The following TNNI3K variants were observed in gnomAD, a reference collection of about 807,000 sequenced individuals.
TNNI3K encodes TNNI3 interacting kinase.
Under a neutral mutation model 114.5 loss-of-function variants are expected in TNNI3K, and 140 were observed. The ratio of observed to expected loss-of-function variants is 1.22; its 90% confidence interval spans 1.07 to 1.41. The LOEUF (loss-of-function observed/expected upper bound fraction) is 1.41, where lower values mean the gene tolerates loss of function less well. Ranked by LOEUF, TNNI3K falls within the 40% of genes most tolerant of loss-of-function variation. The probability of loss-of-function intolerance (pLI) is 0.00; values close to 1 mark genes in which losing one functional copy is unlikely to be tolerated. For missense variants in TNNI3K, 1,125 were observed against 1,007.6 expected, an observed-to-expected ratio of 1.12 and a Z score of -1.58; for synonymous variants, 347 against 347.5, an observed-to-expected ratio of 1.00 and a Z score of 0.02.
At chr1:74,429,895 C>G (rs1665811977) in intron 17 of TNNI3K, among the ~76,000 whole-genome samples, 1 of 152,050 alleles carries the variant, frequency 6.6e-6, no homozygotes, top group Non-Finnish European at 1.5e-5. Context: ...TTATAGGAAG[C>G]CTGGGAAGCA....
At chr1:74,377,260 C>CTA (rs1411508998) in intron 17 of TNNI3K, 1 of 151,958 alleles carries the variant, frequency 6.6e-6, no homozygotes, top group Admixed American at 6.6e-5. Flanking sequence ...TAAAGTCAGT[C>CTA]TAATTATTCA....
intron 11 of TNNI3K, among the ~76,000 whole-genome samples, chr1:74,360,867 C>G (rs12750929): frequency 0.29 from 44,296 of 151,948 alleles, 7,402 homozygotes; most frequent in East Asian, 0.56. Context: ...CTTCTCTTAC[C>G]AAATTGTAAA....
intron 17 of TNNI3K, among the ~76,000 whole-genome samples, chr1:74,402,958 C>T (rs909250236): frequency 6.6e-6 from 1 of 152,150 alleles, no homozygotes; most frequent in African/African-American, 2.4e-5. Context: ...GGAATTTTAA[C>T]AACTCTGTAG....
chr1:74,510,535 A>G (rs1670135418), intron 23 of TNNI3K, among the ~76,000 whole-genome samples: 1 of 152,134 alleles, frequency 6.6e-6, no homozygotes, highest in Non-Finnish European at 1.5e-5. Context: ...GAAAAAAATT[A>G]TTGAGAGATT....
intron 20 of TNNI3K, among the ~76,000 whole-genome samples, chr1:74,444,763 TA>T (rs1666554417): frequency 6.6e-6 from 1 of 151,438 alleles, no homozygotes; most frequent in African/African-American, 2.4e-5. Flanking sequence ...GGCATCATGG[TA>T]CCCAACTTCA....
chr1:74,381,453 C>G (rs1014042295), intron 17 of TNNI3K, among the ~76,000 whole-genome samples: 1 of 152,128 alleles, frequency 6.6e-6, no homozygotes, highest in Admixed American at 6.5e-5. Flanking sequence ...CTTGCATGCC[C>G]TAGTTGCCCT....
intron 9 of TNNI3K, among the ~76,000 whole-genome samples, chr1:74,348,138 A>G (rs1661123490): frequency 1.3e-5 from 2 of 152,128 alleles, no homozygotes; most frequent in African/African-American, 2.4e-5. Context: ...TAGGTCTAAC[A>G]TGTAAGTCTT....
At chr1:74,353,644 CAAAA>C (rs35082255) in intron 10 of TNNI3K, among the ~76,000 whole-genome samples, 8 of 134,158 alleles carry the variant, frequency 6.0e-5, no homozygotes, top group Non-Finnish European at 7.9e-5. Flanking sequence ...ATTTGGTGAT[CAAAA>C]AAAAAAAAAA....
intron 23 of TNNI3K, among the ~76,000 whole-genome samples, chr1:74,501,474 G>GTT (rs75296086): frequency 6.7e-6 from 1 of 149,820 alleles, no homozygotes; most frequent in Admixed American, 6.7e-5. Context: ...TTTTTGTTTT[G>GTT]TGTTTGTTTG....
At chr1:74,250,860 C>CG in intron 4 of TNNI3K, 91 bp downstream of exon 4, 1 of 1,219,260 alleles carries the variant, frequency 8.2e-7, no homozygotes, top group Non-Finnish European at 1.1e-6. Flanking sequence ...AATTAGTAAT[C>CG]ATGGAAAATT....
chr1:74,368,183 A>G (rs962007319), intron 13 of TNNI3K, among the ~76,000 whole-genome samples: 1 of 151,904 alleles, frequency 6.6e-6, no homozygotes, highest in Non-Finnish European at 1.5e-5. Flanking sequence ...TAACTATTAA[A>G]GAAAAATCAA....
intron 17 of TNNI3K, among the ~76,000 whole-genome samples, chr1:74,375,999 T>C (rs1662886168): frequency 1.3e-5 from 2 of 151,954 alleles, no homozygotes; most frequent in Admixed American, 1.3e-4. Flanking sequence ...TCACCGTTTT[T>C]GACTGTCAGC....
intron 23 of TNNI3K, among the ~76,000 whole-genome samples, chr1:74,511,626 A>T (rs1022397359): frequency 3.3e-5 from 5 of 152,090 alleles, no homozygotes; most frequent in African/African-American, 9.7e-5. Flanking sequence ...TGGACACCCA[A>T]TGATGGATTA....
intron 21 of TNNI3K, among the ~76,000 whole-genome samples, chr1:74,486,189 C>T (rs1668749977): frequency 1.0e-5 from 1 of 96,534 alleles, no homozygotes; most frequent in Non-Finnish European, 2.4e-5. Context: ...TACCCTCAGG[C>T]TAAATGCTAT....
At chr1:74,292,253 T>A (rs1050790548) in intron 5 of TNNI3K, among the ~76,000 whole-genome samples, 3 of 151,526 alleles carry the variant, frequency 2.0e-5, no homozygotes, top group Non-Finnish European at 4.4e-5. Flanking sequence ...TCTGCTTTTA[T>A]CTTTCTTAAC....
At chr1:74,453,661 C>T (rs1570641769) in intron 20 of TNNI3K, among the ~76,000 whole-genome samples, 1 of 152,268 alleles carries the variant, frequency 6.6e-6, no homozygotes, top group East Asian at 1.9e-4. Context: ...TCTTTTGCAT[C>T]TCACATGTTC....
chr1:74,265,354 A>G (rs518574), intron 4 of TNNI3K, among the ~76,000 whole-genome samples: 7,031 of 152,048 alleles, frequency 0.046, 224 homozygotes, highest in South Asian at 0.11. Flanking sequence ...ATTGCCTATG[A>G]AAGGAGTGCC....
intron 4 of TNNI3K, among the ~76,000 whole-genome samples, chr1:74,270,714 A>G (rs111324599): frequency 2.9e-3 from 440 of 151,886 alleles, no homozygotes; most frequent in African/African-American, 9.7e-3. Context: ...TTATGACTTG[A>G]CTTTATTGCT....
Position 74,493,264 on chromosome 1 carries a change from T to C in TNNI3K, c.2351+998T>C, listed in dbSNP as rs1669166946. Among the ~76,000 whole-genome samples the C allele has an allele frequency of 2.6e-5, 4 of 152,196 alleles. No individual in the cohort carries two copies. In the South Asian group the frequency reaches 8.3e-4, roughly 31 times the overall value. ...GTCTCCCAGTTTTATTTGGGGCTGA[T>C]GAAAAGATTTTGGAATTAAAATGGT... On this transcript the variant is annotated intron_variant, in intron 23 of 24. Transcript: ENST00000326637.
Sources: gnomAD v4.1 joint callset for allele counts (sites outside exome capture counted in the v4.1 genomes callset) on GRCh38, gnomAD v4.1.1 for gene constraint, MANE v1.5 for transcripts, NCBI Gene and HGNC (gene_info 2026-07-23, HGNC 2026-07-21) for gene names.